The following EPS15L1 variants were observed in gnomAD, a reference collection of about 807,000 sequenced individuals.
EPS15L1 encodes epidermal growth factor receptor substrate 15-like 1.
A neutral mutation model predicts 117.1 loss-of-function variants in EPS15L1; 43 were observed. That is an observed-to-expected ratio of 0.37 (90% CI 0.29 to 0.47). The LOEUF is 0.47. EPS15L1 is among the 20% of genes least tolerant of loss of function. The pLI, the probability that EPS15L1 is intolerant of heterozygous loss-of-function variation, is 0.99. For synonymous variants in EPS15L1, 459 were observed against 470.5 expected, an observed-to-expected ratio of 0.98 and a Z score of 0.32; for missense variants, 981 against 1,164.0, an observed-to-expected ratio of 0.84 and a Z score of 2.29.
chr19:16,450,934 A>T (rs1308232417), intron 1 of EPS15L1, among the ~76,000 whole-genome samples: 1 of 151,920 alleles, frequency 6.6e-6, no homozygotes, highest in East Asian at 1.9e-4. Context: ...GCTTCAGAGG[A>T]AACTGGATAA....
At chr19:16,401,101 C>T (rs570485183) in intron 16 of EPS15L1, 1 of 985,258 alleles carries the variant, frequency 1.0e-6, no homozygotes, top group Non-Finnish European at 1.2e-6. Context: ...TAAATTTAGA[C>T]GATAAAGCTG....
intron 19 of EPS15L1, among the ~76,000 whole-genome samples, chr19:16,391,665 T>C (rs2092476472): frequency 6.6e-6 from 1 of 151,162 alleles, no homozygotes; most frequent in Non-Finnish European, 1.5e-5. Context: ...TTGACACCTA[T>C]TTAACCCAAT....
At chr19:16,442,047 C>T (rs965442133) in intron 2 of EPS15L1, 66 bp from the exon 3 acceptor site, 24 of 1,494,186 alleles carry the variant, frequency 1.6e-5, no homozygotes, top group South Asian at 4.6e-5. Context: ...AAGTGGCACC[C>T]GCCACGCTAA....
intron 11 of EPS15L1, 95 bp downstream of exon 11, chr19:16,417,853 C>T (rs2092773934): frequency 3.3e-6 from 5 of 1,498,592 alleles, no homozygotes; most frequent in South Asian, 2.5e-5. Context: ...AGGCAGCACC[C>T]GCCACCGTGG....
intron 1 of EPS15L1, among the ~76,000 whole-genome samples, chr19:16,454,688 G>T (rs1473833050): frequency 6.6e-6 from 1 of 152,188 alleles, no homozygotes; most frequent in East Asian, 1.9e-4. Context: ...TACAGTCGCT[G>T]CCCTGGAGAG....
rs367867461 is a variant in EPS15L1, at chr19:16,392,399, G to A, written c.2008C>T (p.Arg670Cys). 44 of 1,614,058 alleles carry A rather than the reference G, an allele frequency of 2.7e-5. No individual in the cohort carries two copies. The Admixed American group carries it at 3.7e-4, about 13-fold the overall frequency. Residue 670 changes from arginine to cysteine, a missense_variant, in exon 19 of 24, where the codon CGT becomes TGT. Arg to Cys is a radical substitution (Grantham distance 180). Around this residue, in one of 5 missense-constraint regions of EPS15L1, gnomAD observed 819 missense variants for 949.0 expected, o/e 0.86. Coordinates refer to ENST00000455140, the MANE Select transcript of EPS15L1 (RefSeq NM_001258374.3). ...AAGAAGTCGTCAGTGGCAGAGCCAC[G>A]GAATGGGTCACTTTCTTTGAAAGGG... ...GDPFKESDPFRGSATDDFFKK... is the reference protein window; with the variant it reads ...GDPFKESDPFCGSATDDFFKK...
intron 1 of EPS15L1, among the ~76,000 whole-genome samples, chr19:16,459,133 G>A (rs1458032968): frequency 6.6e-6 from 1 of 152,228 alleles, no homozygotes; most frequent in Non-Finnish European, 1.5e-5. Context: ...AAATACAGCA[G>A]TATAATCTTA....
rs947859796 is a variant in EPS15L1 at position 16,355,489 on chromosome 19, G to A, written c.*216C>T. 36 of 569,208 alleles carry A rather than the reference G, an allele frequency of 6.3e-5. No individual in the cohort carries two copies. Among genetic ancestry groups the A allele is most frequent in the African/African-American group, 5.8e-4 (31 of 53,712 alleles). The allele number at this position is 569,208 out of a possible 1,614,324, so 35.3% of individuals were successfully genotyped here. A position where few individuals can be genotyped will look rare whatever the true frequency, so the allele number is the denominator to read the frequency against. ...GGGGGGATGGCACAGTGGAGAGACG[G>A]ACCTGCAGAAGTGGTGGCCAAGGCC... On this transcript the variant is annotated 3_prime_UTR_variant, in exon 24 of 24. Transcript: ENST00000455140.
chr19:16,434,800 T>A (rs1298147998), intron 6 of EPS15L1: 1 of 255,916 alleles, frequency 3.9e-6, no homozygotes, highest in Non-Finnish European at 7.5e-6. Flanking sequence ...GGTGGGGCAG[T>A]GTCTTTGCAG....
chr19:16,459,393 C>T (rs1422020812), intron 1 of EPS15L1, among the ~76,000 whole-genome samples: 1 of 152,160 alleles, frequency 6.6e-6, no homozygotes, highest in East Asian at 1.9e-4. Context: ...TTCTTAATGC[C>T]TGGAGGGTGG....
chr19:16,395,612 G>C (rs939716529), intron 16 of EPS15L1, 145 bp from the exon 17 acceptor site: 56 of 857,988 alleles, frequency 6.5e-5, no homozygotes, highest in Admixed American at 1.2e-4. Flanking sequence ...AGGCTGGCCT[G>C]GGCAACATAG....
At chr19:16,458,884 G>A (rs2093221687) in intron 1 of EPS15L1, among the ~76,000 whole-genome samples, 1 of 152,130 alleles carries the variant, frequency 6.6e-6, no homozygotes, top group Non-Finnish European at 1.5e-5. Flanking sequence ...TTAACTACAG[G>A]GATGCGTCCT....
chr19:16,383,819 C>G lies in EPS15L1; in HGVS notation c.2247+1310G>C, dbSNP rs2092389813. The G allele has an allele frequency of 6.6e-6, 1 of 152,298 alleles. No individual in the cohort carries two copies. Among genetic ancestry groups the G allele is most frequent in the Admixed American group, 6.5e-5 (1 of 15,294 alleles). 9.4% of individuals were successfully genotyped at this position (152,298 alleles called of 1,614,324 possible). On this transcript the variant is annotated intron_variant, in intron 21 of 23. Coordinates refer to ENST00000455140, the MANE Select transcript of EPS15L1 (RefSeq NM_001258374.3). This position sits in a 1 kb window ranked among gnomAD's most constrained non-coding sequence, Gnocchi z 5.2. ...GATGCTCAGAGACTCATCTGCTCCACCAGCTGAGTGAACACGGGGCAGCCA... is the reference window on the plus strand; with the variant it reads ...GATGCTCAGAGACTCATCTGCTCCAGCAGCTGAGTGAACACGGGGCAGCCA...
rs1019489875 is a variant in EPS15L1 at position 16,362,463 on chromosome 19, T to C, written c.2381-479A>G. Among the ~76,000 whole-genome samples the C allele has an allele frequency of 2.7e-5, 4 of 150,818 alleles. No homozygotes were observed. The South Asian group carries it at 8.4e-4, about 32-fold the overall frequency. ...CAACGTGGTATGGTTATTCGGTGTGTTAGTTATAAGGGTCTGCACACAGCT... is the reference window on the plus strand; with the variant it reads ...CAACGTGGTATGGTTATTCGGTGTGCTAGTTATAAGGGTCTGCACACAGCT... On this transcript the variant is annotated intron_variant, in intron 22 of 23. Transcript: ENST00000455140.
At chr19:16,458,008 C>T (rs1599683633) in intron 1 of EPS15L1, among the ~76,000 whole-genome samples, 1 of 152,146 alleles carries the variant, frequency 6.6e-6, no homozygotes, top group Non-Finnish European at 1.5e-5. Flanking sequence ...CCCAACATTC[C>T]TTTCCTGCAT....
At chr19:16,441,226 T>C in intron 3 of EPS15L1, 2 of 366,354 alleles carry the variant, frequency 5.5e-6, no homozygotes, top group Non-Finnish European at 5.2e-6. Context: ...ATCCCAGCAC[T>C]TTGGGAGGCC....
chr19:16,434,522 G>A, intron 6 of EPS15L1, 32 bp from the exon 7 acceptor site: 1 of 1,605,388 alleles, frequency 6.2e-7, no homozygotes, highest in Non-Finnish European at 8.5e-7. Context: ...GAGTAAGTAG[G>A]AGAGCACACC....
At chr19:16,454,086 T>C (rs952191155) in intron 1 of EPS15L1, among the ~76,000 whole-genome samples, 2 of 152,136 alleles carry the variant, frequency 1.3e-5, no homozygotes, top group African/African-American at 2.4e-5. Flanking sequence ...CCTGGGAGAC[T>C]GAGAAGTGAT....
At chr19:16,367,725 A>C (rs1443990026) in intron 22 of EPS15L1, among the ~76,000 whole-genome samples, 3 of 149,924 alleles carry the variant, frequency 2.0e-5, no homozygotes, top group Non-Finnish European at 4.4e-5. Context: ...CCTCCGCTTA[A>C]AAGCATCCTC....
Sources: gnomAD v4.1 joint callset for allele counts (sites outside exome capture counted in the v4.1 genomes callset) on GRCh38, gnomAD v4.1.1 for gene constraint, gnomAD v4.1.1 regional missense constraint, Gnocchi (gnomAD v3.1) non-coding constraint, MANE v1.5 for transcripts, NCBI Gene and HGNC (gene_info 2026-07-23, HGNC 2026-07-21) for gene names.